The following RBM33 variants were observed in gnomAD, a reference collection of about 807,000 sequenced individuals.
The protein encoded by RBM33 is RNA-binding protein 33.
RBM33 carries 28 observed loss-of-function variants against 132.6 expected under a neutral mutation model. The observed-to-expected ratio is 0.21, with a 90% CI of 0.16 to 0.29. The LOEUF (loss-of-function observed/expected upper bound fraction) is 0.29. RBM33 is among the 10% of genes least tolerant of loss of function. The pLI, the probability that RBM33 is intolerant of heterozygous loss-of-function variation, is 1.00. For synonymous variants in RBM33, 634 were observed against 593.0 expected (o/e 1.07, Z -1.01); for missense variants, 1,291 against 1,518.5 (o/e 0.85, Z 2.49).
intron 1 of RBM33, among the ~76,000 whole-genome samples, chr7:155,650,996 G>T (rs1351805224): frequency 2.0e-5 from 3 of 152,130 alleles, no homozygotes; most frequent in Admixed American, 6.5e-5. Context: ...TTCAGCCTCA[G>T]CCTCTCAAGT....
chr7:155,674,817 G>A (rs1373252669), intron 3 of RBM33, among the ~76,000 whole-genome samples: 1 of 152,082 alleles, frequency 6.6e-6, no homozygotes, highest in Non-Finnish European at 1.5e-5. Flanking sequence ...TTGGAAGTGT[G>A]TTTACTTTGG....
At chr7:155,758,272 T>A (rs1037735873) in intron 14 of RBM33, among the ~76,000 whole-genome samples, 1 of 152,216 alleles carries the variant, frequency 6.6e-6, no homozygotes, top group Non-Finnish European at 1.5e-5. Flanking sequence ...TTATAAAGTT[T>A]TATGATATCA....
Position 155,744,966 on chromosome 7 carries a change from T to C in RBM33, c.2343T>C (p.Pro781=), listed in dbSNP as rs777051176. The C allele has an allele frequency of 2.6e-6, 4 of 1,556,734 alleles. No individual in the cohort carries two copies. The change falls in exon 14 of 18, where the codon CCT becomes CCC. Residue 781 remains proline (P), a synonymous_variant. Transcript: ENST00000401878. The part of the protein sequence containing the change: ...KEEAKTETEF[P]DEDEETRLYR... The stretch of plus-strand genomic sequence containing the variant: ...GTGTATGTTTTCCATTTTAGTTTCC[T>C]GATGAAGATGAGGAAACAAGGTTAT...
chr7:155,660,391 T>A (rs1295185334), intron 1 of RBM33, among the ~76,000 whole-genome samples: 1 of 152,186 alleles, frequency 6.6e-6, no homozygotes, highest in Non-Finnish European at 1.5e-5. Flanking sequence ...TAAAATCACA[T>A]TCACAGGTGG....
At chr7:155,684,655 G>A (rs912941956) in intron 5 of RBM33, among the ~76,000 whole-genome samples, 1 of 152,152 alleles carries the variant, frequency 6.6e-6, no homozygotes, top group African/African-American at 2.4e-5. Flanking sequence ...CCGTGCTGTT[G>A]ATTTGCAGAG....
Position 155,755,823 on chromosome 7 carries a change from C to CTT in RBM33, c.2980-7981_2980-7980dup, listed in dbSNP as rs36077023. On this transcript the variant is annotated intron_variant, in intron 14 of 17. Transcript: ENST00000401878. Reference sequence around the variant, plus strand: ...TGCTAATGTTGGGGGCTACAGACCTCTTTTTTTTTGTAATGATTAAGCTGA... The same window carrying CTT: ...TGCTAATGTTGGGGGCTACAGACCTCTTTTTTTTTTTGTAATGATTAAGCTGA... Among the ~76,000 whole-genome samples, 765 of 150,642 alleles carry CTT rather than the reference C, an allele frequency of 5.1e-3. 1 individual carries two copies. The highest frequency in any genetic ancestry group is 8.4e-3 in the African/African-American group (339 of 40,596).
At chr7:155,741,427 G>A (rs1446760554) in intron 12 of RBM33, among the ~76,000 whole-genome samples, 1 of 152,170 alleles carries the variant, frequency 6.6e-6, no homozygotes, top group African/African-American at 2.4e-5. Flanking sequence ...AAGTGACTAG[G>A]TAAAATAGTA....
chr7:155,720,804 G>A (rs1257446415), intron 9 of RBM33, among the ~76,000 whole-genome samples: 6 of 152,132 alleles, frequency 3.9e-5, no homozygotes, highest in East Asian at 1.9e-4. Flanking sequence ...ATGGATGGCC[G>A]TATGCCCCTC....
chr7:155,708,747 A>G (rs182517029), intron 7 of RBM33, among the ~76,000 whole-genome samples: 2 of 152,324 alleles, frequency 1.3e-5, no homozygotes, highest in African/African-American at 4.8e-5. Flanking sequence ...GTCTTTGCTA[A>G]TCAGTGATGA....
intron 6 of RBM33, among the ~76,000 whole-genome samples, chr7:155,703,170 A>C (rs903645043): frequency 6.6e-6 from 1 of 152,216 alleles, no homozygotes; most frequent in Non-Finnish European, 1.5e-5. Context: ...TCAGTCCTGC[A>C]TCTCCTTCTT....
At chr7:155,645,262 G>GA (rs1256690451) in intron 1 of RBM33, 1 of 251,238 alleles carries the variant, frequency 4.0e-6, no homozygotes, top group African/African-American at 2.3e-5. Flanking sequence ...CCCACCCCCC[G>GA]AGACAGTGTC....
chr7:155,670,479 G>A (rs752937449), intron 2 of RBM33, among the ~76,000 whole-genome samples: 1 of 152,146 alleles, frequency 6.6e-6, no homozygotes, highest in Admixed American at 6.5e-5. Context: ...CCAGCTTTAC[G>A]ATGACAAGAA....
At chr7:155,750,594 T>C (rs906987715) in intron 14 of RBM33, among the ~76,000 whole-genome samples, 5 of 152,172 alleles carry the variant, frequency 3.3e-5, no homozygotes, top group Admixed American at 6.5e-5. Flanking sequence ...ATCAGTACAA[T>C]GAGAACCAAC....
intron 8 of RBM33, among the ~76,000 whole-genome samples, chr7:155,715,345 C>T (rs1366855927): frequency 6.6e-6 from 1 of 152,106 alleles, no homozygotes; most frequent in African/African-American, 2.4e-5. Flanking sequence ...TTGTAAAATG[C>T]CGTGGAAAGC....
chr7:155,697,555 A>ACT (rs564791994), intron 5 of RBM33, among the ~76,000 whole-genome samples: 3 of 150,572 alleles, frequency 2.0e-5, no homozygotes, highest in Admixed American at 1.3e-4. Flanking sequence ...TCTCTTTTGC[A>ACT]CTCTCTCTCT....
At chr7:155,674,370 A>G (rs7792577) in intron 3 of RBM33, among the ~76,000 whole-genome samples, 3,827 of 152,172 alleles carry the variant, frequency 0.025, 146 homozygotes, top group African/African-American at 0.086. Context: ...ATACTCTTCT[A>G]GGTGCTCTCA....
rs1006338115 is a variant in RBM33, at chr7:155,715,215, T to G, written c.1202-3170T>G. Among the ~76,000 whole-genome samples, 5 of 152,186 alleles carry G rather than the reference T, an allele frequency of 3.3e-5. No homozygotes were observed. In the South Asian group the frequency reaches 6.2e-4, roughly 19 times the overall value. On this transcript the variant is annotated intron_variant, in intron 8 of 17. Coordinates refer to ENST00000401878, the MANE Select transcript of RBM33 (RefSeq NM_053043.3). ...ATACTTGAATGGGGAAGGGTGGCTT[T>G]CTTTCAAGTAATCCTTTGCATCTTC...
At chr7:155,655,527 TG>T (rs1798468224) in intron 1 of RBM33, among the ~76,000 whole-genome samples, 1 of 147,898 alleles carries the variant, frequency 6.8e-6, no homozygotes, top group Middle Eastern at 3.4e-3. Context: ...GTATTAAGGC[TG>T]TTTGCCTTTT....
At chr7:155,720,803 CG>C (rs1205589816) in intron 9 of RBM33, among the ~76,000 whole-genome samples, 1 of 152,130 alleles carries the variant, frequency 6.6e-6, no homozygotes, top group Non-Finnish European at 1.5e-5. Flanking sequence ...TATGGATGGC[CG>C]TATGCCCCTC....
Sources: gnomAD v4.1 joint callset for allele counts (sites outside exome capture counted in the v4.1 genomes callset) on GRCh38, gnomAD v4.1.1 for gene constraint, MANE v1.5 for transcripts, NCBI Gene and HGNC (gene_info 2026-07-23, HGNC 2026-07-21) for gene names.